CCDC88A: variants seen among roughly 807,000 people sequenced by gnomAD.
The protein encoded by CCDC88A is coiled-coil and HOOK domain protein 88A, also known as girdin.
A neutral mutation model predicts 234.3 loss-of-function variants in CCDC88A; 54 were observed. The observed-to-expected ratio is 0.23, with a 90% CI of 0.19 to 0.29. The LOEUF (loss-of-function observed/expected upper bound fraction) is 0.29. Among genes scored for constraint, CCDC88A ranks in the 10% least tolerant of loss-of-function variants. CCDC88A has a pLI of 1.00. For missense variants in CCDC88A, 1,832 were observed against 2,123.4 expected, an observed-to-expected ratio of 0.86 and a Z score of 2.70; for synonymous variants, 753 against 737.8, an observed-to-expected ratio of 1.02 and a Z score of -0.33.
rs140190215 is a variant in CCDC88A, at chr2:55,364,668, C to T, written c.403-635G>A. Among the ~76,000 whole-genome samples the T allele has an allele frequency of 2.3e-3, 344 of 152,084 alleles. 2 individuals carry two copies. The highest frequency in any genetic ancestry group is 8.1e-3 in the African/African-American group (336 of 41,508). On this transcript the variant is annotated intron_variant, in intron 5 of 32. Transcript: ENST00000436346. ...TAAAAAATATATACATGAGTACACACGTAACCAAATGGAATAAAGGGGGTA... is the reference window on the plus strand; with the variant it reads ...TAAAAAATATATACATGAGTACACATGTAACCAAATGGAATAAAGGGGGTA...
chr2:55,311,282 A>T (rs1488041636), intron 23 of CCDC88A, among the ~76,000 whole-genome samples: 2 of 152,204 alleles, frequency 1.3e-5, no homozygotes, highest in Non-Finnish European at 2.9e-5. Flanking sequence ...ACAAATGTGA[A>T]ATTTCTTTGA....
rs367960711 is a variant in CCDC88A at position 55,301,832 on chromosome 2, C to T, written c.4672+40G>A. ...AAAGTCAAATTAAAATTCTTGTTGC[C>T]AACAATTACACCACAGTGCAAATAG... On this transcript the variant is annotated intron_variant, in intron 27 of 32. Transcript: ENST00000436346. 20 of 1,548,318 alleles carry T rather than the reference C, an allele frequency of 1.3e-5. No homozygotes were observed. In the African/African-American group the frequency reaches 2.6e-4, roughly 20 times the overall value.
intron 9 of CCDC88A, chr2:55,349,257 CA>C (rs916396559): frequency 1.3e-5 from 5 of 386,932 alleles, no homozygotes; most frequent in African/African-American, 2.1e-5. Flanking sequence ...CCAAACACAT[CA>C]AAAAGAAAAA....
intron 27 of CCDC88A, chr2:55,301,551 A>G: frequency 2.0e-6 from 1 of 510,386 alleles, no homozygotes; most frequent in Non-Finnish European, 3.4e-6. Flanking sequence ...TGTTCTAGGT[A>G]GTTCTGTTGG....
At chr2:55,327,350 T>C (rs1332562499) in intron 17 of CCDC88A, among the ~76,000 whole-genome samples, 1 of 152,214 alleles carries the variant, frequency 6.6e-6, no homozygotes, top group Non-Finnish European at 1.5e-5. Context: ...TCATAATTGA[T>C]TGGTATGTGC....
At chr2:55,377,255 C>T (rs1287716462) in intron 3 of CCDC88A, among the ~76,000 whole-genome samples, 13 of 133,408 alleles carry the variant, frequency 9.7e-5, no homozygotes, top group South Asian at 6.9e-4. Flanking sequence ...GGGAGTACAT[C>T]GGTGCAATCA....
At chr2:55,298,240 G>C (rs2104560658) in intron 29 of CCDC88A, among the ~76,000 whole-genome samples, 1 of 151,824 alleles carries the variant, frequency 6.6e-6, no homozygotes, top group South Asian at 2.1e-4. Flanking sequence ...TTTGGCTCAA[G>C]TTATGTAACA....
chr2:55,379,226 CATTAAAGT>C (rs1674194211), intron 3 of CCDC88A, among the ~76,000 whole-genome samples: 1 of 152,042 alleles, frequency 6.6e-6, no homozygotes, highest in Admixed American at 6.6e-5. Context: ...AGAAATTCAT[CATTAAAGT>C]ATTAAAGAAA....
In CCDC88A at chr2:55,326,963, G is replaced by A. The variant is rs571808360; in HGVS notation, c.2997+1331C>T. Reference sequence around the variant, plus strand: ...TCTGGTTGAGTAGCTTCATGAAATTGATTTTATTTGCAACTCAGTGATACT... The same window carrying A: ...TCTGGTTGAGTAGCTTCATGAAATTAATTTTATTTGCAACTCAGTGATACT... On this transcript the variant is annotated intron_variant, in intron 17 of 32. Transcript: ENST00000436346. Among the ~76,000 whole-genome samples the A allele has an allele frequency of 2.6e-4, 40 of 152,302 alleles. 1 individual carries two copies. The highest frequency in any genetic ancestry group is 5.9e-4 in the Non-Finnish European group (40 of 68,024).
chr2:55,312,132 G>C (rs1558647383), intron 23 of CCDC88A, among the ~76,000 whole-genome samples: 1 of 152,046 alleles, frequency 6.6e-6, no homozygotes, highest in Non-Finnish European at 1.5e-5. Context: ...CCCAGACTAA[G>C]ATATTCCTGC....
intron 23 of CCDC88A, among the ~76,000 whole-genome samples, chr2:55,311,871 C>T (rs1682390023): frequency 6.6e-6 from 1 of 152,184 alleles, no homozygotes. Context: ...CTTGGTATGG[C>T]ATAGAACAAC....
In CCDC88A at chr2:55,339,636, G is replaced by C. The variant is rs1349919489; in HGVS notation, c.1346C>G (p.Ser449Cys). Residue 449 changes from serine to cysteine, a missense_variant, in exon 13 of 33, where the codon TCC becomes TGC. Around this residue, in one of 6 missense-constraint regions of CCDC88A, gnomAD observed 1,282 missense variants for 1,543.6 expected, o/e 0.83. Transcript: ENST00000436346. ...CAACTCATTCACCTCATGGCCCAGG[G>C]ATTTCTGGGGTGCTATAATATTGAA... ...TSELSEAPQK[S>C]LGHEVNELTS... 6.2e-7 allele frequency: 1 copy of C among 1,602,278 alleles called. No individual in the cohort carries two copies. The highest frequency in any genetic ancestry group is 1.4e-5 in the African/African-American group (1 of 73,914).
intron 11 of CCDC88A, chr2:55,344,125 CTTAT>C (rs1668820349): frequency 8.2e-6 from 3 of 364,426 alleles, no homozygotes; most frequent in African/African-American, 2.1e-5. Context: ...TACACAATAG[CTTAT>C]TTATTGTGGT....
intron 25 of CCDC88A, among the ~76,000 whole-genome samples, chr2:55,306,456 CAT>C (rs1249000880): frequency 6.6e-6 from 1 of 151,968 alleles, no homozygotes; most frequent in Non-Finnish European, 1.5e-5. Flanking sequence ...CGTACATATA[CAT>C]ATATGTGTGT....
intron 23 of CCDC88A, among the ~76,000 whole-genome samples, chr2:55,310,090 T>C (rs564374527): frequency 1.3e-5 from 2 of 152,208 alleles, no homozygotes; most frequent in South Asian, 4.2e-4. Context: ...TACATGTTGG[T>C]GTAGTTGTAG....
At chr2:55,340,853 A>G (rs1558700386) in intron 12 of CCDC88A, among the ~76,000 whole-genome samples, 1 of 152,188 alleles carries the variant, frequency 6.6e-6, no homozygotes, top group Non-Finnish European at 1.5e-5. Flanking sequence ...TTGTTAATCT[A>G]CCTGTATTAG....
At chr2:55,324,756 G>A (rs1053749183) in intron 17 of CCDC88A, among the ~76,000 whole-genome samples, 3 of 151,810 alleles carry the variant, frequency 2.0e-5, no homozygotes, top group African/African-American at 4.8e-5. Context: ...AGTGATTCTC[G>A]TGGCTCAGTC....
At chr2:55,386,455 G>GATTTTATTTTATTTTATTTTATTTT in intron 3 of CCDC88A, among the ~76,000 whole-genome samples, 1 of 38,344 alleles carries the variant, frequency 2.6e-5, no homozygotes, top group Admixed American at 3.4e-4. Flanking sequence ...ATTTTTTGTA[G>GATTTTATTTTATTTTATTTTATTTT]ATTGTATTTT....
chr2:55,323,489 T>C (rs1474698495), intron 17 of CCDC88A: 1 of 152,162 alleles, frequency 6.6e-6, no homozygotes, highest in African/African-American at 2.4e-5. Context: ...GAATGTAATG[T>C]CAAGTTTCTC....
Sources: gnomAD v4.1 joint callset for allele counts (sites outside exome capture counted in the v4.1 genomes callset) on GRCh38, gnomAD v4.1.1 for gene constraint, gnomAD v4.1.1 regional missense constraint, MANE v1.5 for transcripts, NCBI Gene and HGNC (gene_info 2026-07-23, HGNC 2026-07-21) for gene names.